PRRC2C: variants seen among roughly 807,000 people sequenced by gnomAD.
PRRC2C encodes the protein proline rich coiled-coil 2C, also known as protein PRRC2C.
Under a neutral mutation model 317.2 loss-of-function variants are expected in PRRC2C, and 72 were observed. The observed-to-expected ratio is 0.23, with a 90% confidence interval of 0.19 to 0.28. PRRC2C has a LOEUF of 0.28. Among genes scored for constraint, PRRC2C ranks in the 10% least tolerant of loss-of-function variants. The pLI is 1.00. For synonymous variants in PRRC2C, 1,296 were observed against 1,205.9 expected (o/e 1.07, Z -1.55); for missense variants, 3,074 against 3,459.7 (o/e 0.89, Z 2.80).
chr1:171,569,575 A>AAAATATATATATATATAT (rs1553241696), intron 23 of PRRC2C, among the ~76,000 whole-genome samples: 4 of 60,128 alleles, frequency 6.7e-5, no homozygotes, highest in African/African-American at 2.2e-4. Flanking sequence ...AAGTGGTTTA[A>AAAATATATATATATATAT]ATATATATAT....
At chr1:171,535,986 A>T (rs1199377987) in intron 13 of PRRC2C, 43 bp from the exon 14 acceptor site, 1 of 1,547,086 alleles carries the variant, frequency 6.5e-7, no homozygotes, top group East Asian at 2.4e-5. Flanking sequence ...TTAATTTGTC[A>T]TGTGGAACTA....
At chr1:171,489,591 A>G (rs1170378105) in intron 1 of PRRC2C, among the ~76,000 whole-genome samples, 1 of 152,258 alleles carries the variant, frequency 6.6e-6, no homozygotes, top group African/African-American at 2.4e-5. Flanking sequence ...AATTGTGATT[A>G]TTAATATTTC....
In PRRC2C at chr1:171,546,664, A is replaced by G. The variant is rs184142699; in HGVS notation, c.4972+977A>G. 5.6e-3 allele frequency among the ~76,000 whole-genome samples: 849 copies of G among 152,282 alleles called. 9 individuals are homozygous for G. The highest frequency in any genetic ancestry group is 9.2e-3 in the Non-Finnish European group (624 of 68,024). On this transcript the variant is annotated intron_variant, in intron 17 of 34. Coordinates refer to ENST00000647382, the MANE Select transcript of PRRC2C (RefSeq NM_001387844.1). ...GCCCAGGCTGGTGTACAGTGATGCAATCTCGGCTCACTGCAACATCTGCAT... is the reference window on the plus strand; with the variant it reads ...GCCCAGGCTGGTGTACAGTGATGCAGTCTCGGCTCACTGCAACATCTGCAT...
chr1:171,505,229 T>C (rs1669961727), intron 1 of PRRC2C, among the ~76,000 whole-genome samples: 1 of 152,144 alleles, frequency 6.6e-6, no homozygotes, highest in Non-Finnish European at 1.5e-5. Flanking sequence ...AGTTTCTCCA[T>C]GTTGGTCAGG....
intron 1 of PRRC2C, chr1:171,509,770 G>T (rs1259907302): frequency 6.6e-6 from 1 of 150,420 alleles, no homozygotes; most frequent in Admixed American, 6.6e-5. Context: ...GTTGGGACCT[G>T]AGAATTTTCA....
At chr1:171,567,261 TTACTG>T (rs2102721059) in intron 22 of PRRC2C, among the ~76,000 whole-genome samples, 1 of 152,266 alleles carries the variant, frequency 6.6e-6, no homozygotes, top group South Asian at 2.1e-4. Flanking sequence ...TTGGAACAGA[TTACTG>T]TTTCTTTGGT....
rs193156820 is a variant in PRRC2C at position 171,540,452 on chromosome 1, G to A, written c.2986G>A (p.Gly996Ser). ...VYKSKSETRW[G>S]PRPSSNRREE... ...TAAATCTAAATCAGAAACTCGTTGG[G>A]GCCCACGACCAAGCTCTAACAGAAG... Residue 996 changes from glycine to serine, a missense_variant, in exon 16 of 35, where the codon GGC becomes AGC. Transcript: ENST00000647382. The A allele has an allele frequency of 6.2e-7, 1 of 1,613,036 alleles. No homozygotes were observed. Among genetic ancestry groups the A allele is most frequent in the Non-Finnish European group, 8.5e-7 (1 of 1,179,568 alleles).
At chr1:171,493,871 G>T (rs1388584334) in intron 1 of PRRC2C, among the ~76,000 whole-genome samples, 3 of 152,248 alleles carry the variant, frequency 2.0e-5, no homozygotes, top group Non-Finnish European at 4.4e-5. Context: ...TGCAAATATT[G>T]ATTACCACTT....
At chr1:171,527,975 G>A in intron 11 of PRRC2C, 131 bp downstream of exon 11, 1 of 664,246 alleles carries the variant, frequency 1.5e-6, no homozygotes, top group Non-Finnish European at 2.6e-6. Context: ...ACTCTTACAT[G>A]TCTTACTCTT....
chr1:171,507,515 G>A (rs1298292950), intron 1 of PRRC2C, among the ~76,000 whole-genome samples: 1 of 152,196 alleles, frequency 6.6e-6, no homozygotes, highest in East Asian at 1.9e-4. Context: ...GGAGGCAGAA[G>A]CAGGAGGATC....
chr1:171,567,313 A>G (rs1558019475), intron 22 of PRRC2C, among the ~76,000 whole-genome samples: 1 of 152,206 alleles, frequency 6.6e-6, no homozygotes, highest in African/African-American at 2.4e-5. Flanking sequence ...TTTAGGGGCC[A>G]CATTGAATGA....
At chr1:171,577,818 C>T (rs1009299888) in intron 26 of PRRC2C, among the ~76,000 whole-genome samples, 181 bp downstream of exon 26, 3 of 123,430 alleles carry the variant, frequency 2.4e-5, no homozygotes, top group Non-Finnish European at 4.7e-5. Context: ...GGCTCTGTTG[C>T]CCAGGCTGGA....
intron 19 of PRRC2C, among the ~76,000 whole-genome samples, chr1:171,558,862 C>A (rs911525036): frequency 1.3e-5 from 2 of 152,184 alleles, no homozygotes; most frequent in Non-Finnish European, 2.9e-5. Context: ...TTGAAGAAGG[C>A]ATGGTAAAAG....
In PRRC2C at chr1:171,524,716, C is replaced by A. The variant is rs115500546; in HGVS notation, c.1056-105C>A. On this transcript the variant is annotated intron_variant, in intron 9 of 34. Coordinates refer to ENST00000647382, the MANE Select transcript of PRRC2C (RefSeq NM_001387844.1). ...CCCATCTCATTCCTTAATACATTTC[C>A]CCCCCCAGAAACCATACAGAAATAA... 1,175 of 1,168,226 alleles carry A rather than the reference C, an allele frequency of 1.0e-3. 7 individuals carry two copies. In the African/African-American group the frequency reaches 0.013, roughly 13 times the overall value. The allele number at this position is 1,168,226 out of a possible 1,614,324, so 72.4% of individuals were successfully genotyped here.
chr1:171,505,671 G>T (rs1316721512), intron 1 of PRRC2C, among the ~76,000 whole-genome samples: 1 of 152,134 alleles, frequency 6.6e-6, no homozygotes, highest in Non-Finnish European at 1.5e-5. Flanking sequence ...GGGAACAGAA[G>T]GGCAAGCATA....
intron 12 of PRRC2C, among the ~76,000 whole-genome samples, chr1:171,534,555 G>T (rs1338214315): frequency 6.6e-6 from 1 of 151,598 alleles, no homozygotes; most frequent in Non-Finnish European, 1.5e-5. Context: ...AGACACACGT[G>T]ATTTTAAAGT....
Position 171,550,332 on chromosome 1 carries a change from C to T in PRRC2C, c.5127+92C>T, listed in dbSNP as rs1346211235. The T allele has an allele frequency of 2.6e-5, 31 of 1,180,598 alleles. 1 individual carries two copies. Among genetic ancestry groups the T allele is most frequent in the Non-Finnish European group, 3.4e-5 (30 of 880,630 alleles). The allele number at this position is 1,180,598 out of a possible 1,614,324, so 73.1% of individuals were successfully genotyped here. A position where few individuals can be genotyped will look rare whatever the true frequency, so the allele number is the denominator to read the frequency against. ...TTCAAGGTTTTTATACTTGTCAAGG[C>T]TGTTTTCATTATTCAAGTGTTAAAA... On this transcript the variant is annotated intron_variant, in intron 18 of 34. Transcript: ENST00000647382.
At position 171,576,244 on chromosome 1, in the gene PRRC2C, T is replaced by G. The variant is rs1037437945; in HGVS notation, c.6955+1116T>G. On this transcript the variant is annotated intron_variant, in intron 25 of 34. Coordinates refer to ENST00000647382, the MANE Select transcript of PRRC2C (RefSeq NM_001387844.1). ...GTGGTGTAAAGGAAACAGGAGAGTA[T>G]GGTAGGAAGATCTGGAAATAATGGT... 1.7e-4 allele frequency among the ~76,000 whole-genome samples: 26 copies of G among 152,280 alleles called. No individual in the cohort carries two copies. In the South Asian group the frequency reaches 2.1e-3, roughly 12 times the overall value.
chr1:171,522,545 G>A (rs867697437), intron 7 of PRRC2C: 4 of 183,364 alleles, frequency 2.2e-5, no homozygotes, highest in Non-Finnish European at 3.4e-5. Flanking sequence ...CGAGGTGGGC[G>A]ATTCGCCTGA....
Sources: gnomAD v4.1 joint callset for allele counts (sites outside exome capture counted in the v4.1 genomes callset) on GRCh38, gnomAD v4.1.1 for gene constraint, MANE v1.5 for transcripts, NCBI Gene and HGNC (gene_info 2026-07-23, HGNC 2026-07-21) for gene names.